Variants in FRMPD4 observed in about 807,000 individuals in gnomAD.
FRMPD4 encodes FERM and PDZ domain-containing protein 4.
FRMPD4 carries 22 observed loss-of-function variants against 94.1 expected under a neutral mutation model. The ratio of observed to expected loss-of-function variants is 0.23; its 90% confidence interval spans 0.17 to 0.33. FRMPD4 has a LOEUF of 0.33. FRMPD4 is among the 10% of genes least tolerant of loss of function. FRMPD4 has a pLI of 1.00. For missense variants in FRMPD4, 1,111 were observed against 1,339.9 expected, an observed-to-expected ratio of 0.83 and a Z score of 2.67; for synonymous variants, 631 against 548.6, an observed-to-expected ratio of 1.15 and a Z score of -2.10.
chrX:12,339,141 A>G (rs1043042838), intron 1 of FRMPD4, among the ~76,000 whole-genome samples: 14 of 111,790 alleles, frequency 1.3e-4, no homozygotes, highest in Admixed American at 1.2e-3. Context: ...GTTTAGTCTT[A>G]TTTTAGAGAG....
At chrX:12,201,999 T>C (rs1049072645) in intron 1 of FRMPD4, among the ~76,000 whole-genome samples, 3 of 110,757 alleles carry the variant, frequency 2.7e-5, no homozygotes, top group African/African-American at 9.8e-5. Flanking sequence ...TTCTTCTTTT[T>C]TTTTTTTAAC....
chrX:11,972,242 TAGCTC>T (rs900530048), intron 3 of FRMPD4, among the ~76,000 whole-genome samples: 2 of 111,973 alleles, frequency 1.8e-5, no homozygotes, highest in Admixed American at 1.9e-4. Context: ...AAAGGACACT[TAGCTC>T]AGAAAGGACA....
At chrX:12,060,500 C>T (rs1336714815) in intron 3 of FRMPD4, among the ~76,000 whole-genome samples, 1 of 108,990 alleles carries the variant, frequency 9.2e-6, no homozygotes, top group Non-Finnish European at 1.9e-5. Context: ...GTGAAAGAAG[C>T]CCCAACTATA....
At chrX:11,921,643 A>G (rs1248901984) in intron 3 of FRMPD4, among the ~76,000 whole-genome samples, 1 of 112,036 alleles carries the variant, frequency 8.9e-6, no homozygotes, top group Non-Finnish European at 1.9e-5. Flanking sequence ...ATTTTTCCCT[A>G]TGCCATAAGA....
chrX:12,266,659 A>C (rs150805993), intron 1 of FRMPD4, among the ~76,000 whole-genome samples: 92 of 112,055 alleles, frequency 8.2e-4, no homozygotes, highest in African/African-American at 2.7e-3. Flanking sequence ...GGAATCTACC[A>C]TACCAGTTAA....
rs765113386 is a variant in FRMPD4 at position 12,096,791 on chromosome X, G to A, written c.95+218773G>A. On this transcript the variant is annotated intron_variant, in intron 3 of 18. Coordinates refer to the FRMPD4 transcript ENST00000640291. ...AGTCCTAGCTGCTCAGGAGGCTGAGGCAGGAGTATTGCTCGAGCCCAGGAA... is the reference window on the plus strand; with the variant it reads ...AGTCCTAGCTGCTCAGGAGGCTGAGACAGGAGTATTGCTCGAGCCCAGGAA... Among the ~76,000 whole-genome samples, 6 of 111,402 alleles carry A rather than the reference G, an allele frequency of 5.4e-5. No individual in the cohort carries two copies. In the East Asian group the frequency reaches 1.1e-3, roughly 21 times the overall value.
chrX:12,398,301 C>T (rs1186314803), intron 1 of FRMPD4, among the ~76,000 whole-genome samples: 4 of 111,820 alleles, frequency 3.6e-5, no homozygotes, highest in Admixed American at 9.5e-5. Context: ...ACATAGTTCT[C>T]GAAATACTGG....
rs35114337 is a variant in FRMPD4 at position 12,168,622 on chromosome X, C to CTTTT, written c.41+29628_41+29631dup. Among the ~76,000 whole-genome samples, 19 of 70,154 alleles carry CTTTT rather than the reference C, an allele frequency of 2.7e-4. 1 individual carries two copies. Among genetic ancestry groups the CTTTT allele is most frequent in the Non-Finnish European group, 2.9e-4 (11 of 38,185 alleles). 60.9% of individuals were successfully genotyped at this position (70,154 alleles called of 115,157 possible). On this transcript the variant is annotated intron_variant, in intron 1 of 16. Coordinates refer to ENST00000675598, the MANE Select transcript of FRMPD4 (RefSeq NM_001368397.1). ...TTAGAGGGTCTTAAAGACACTGACC[C>CTTTT]TTTTTTTTTTTTTTTTTTTTTGAGA...
At chrX:12,312,239 CTTTTTTTTTTTTT>C (rs200625685) in intron 1 of FRMPD4, among the ~76,000 whole-genome samples, 2 of 61,513 alleles carry the variant, frequency 3.3e-5, no homozygotes, top group Admixed American at 1.8e-4. Context: ...TGCTCCATTA[CTTTTTTTTTTTTT>C]TTTTTTTTTT....
At chrX:11,955,395 G>A (rs6639108) in intron 3 of FRMPD4, among the ~76,000 whole-genome samples, 4,746 of 110,561 alleles carry the variant, frequency 0.043, 186 homozygotes, top group East Asian at 0.22. Context: ...GGGAGGCTGA[G>A]ATGGGAGGAT....
At chrX:12,267,127 A>G (rs1431916225) in intron 1 of FRMPD4, among the ~76,000 whole-genome samples, 1 of 112,073 alleles carries the variant, frequency 8.9e-6, no homozygotes, top group African/African-American at 3.2e-5. Context: ...CTGAATGTAT[A>G]TCACTCTTGC....
At chrX:12,493,172 A>C (rs2057809193) in intron 1 of FRMPD4, among the ~76,000 whole-genome samples, 2 of 110,774 alleles carry the variant, frequency 1.8e-5, no homozygotes, top group African/African-American at 6.6e-5. Context: ...CCTTACCTTA[A>C]CCCACATTGC....
chrX:12,125,010 C>T (rs754132777), intron 3 of FRMPD4, among the ~76,000 whole-genome samples: 3 of 112,186 alleles, frequency 2.7e-5, no homozygotes, highest in East Asian at 5.6e-4. Context: ...TCCTCGTTTC[C>T]GTTGAGATAC....
intron 2 of FRMPD4, among the ~76,000 whole-genome samples, chrX:12,609,058 C>A (rs927459382): frequency 8.9e-6 from 1 of 112,315 alleles, no homozygotes; most frequent in Non-Finnish European, 1.9e-5. Context: ...TACTCATATA[C>A]TGTATTCTTA....
chrX:12,721,152 T>C lies in FRMPD4; in HGVS notation c.4583T>C (p.Val1528Ala). The C allele has an allele frequency of 1.3e-6, 1 of 754,772 alleles. No individual in the cohort carries two copies. Among genetic ancestry groups the C allele is most frequent in the Non-Finnish European group, 1.6e-6 (1 of 638,448 alleles). The allele number at this position is 754,772 out of a possible 1,213,427, so 62.2% of individuals were successfully genotyped here. ...GAGAGGGGAGAGGCCACCGTCCAGG[T>C]CTCTTGCCTCTATAGACCACAGATG... ...EEERGEATVQ[V>A]SCLYRPQMTQ... The change falls in exon 17 of 17, where the codon GTC becomes GCC. Residue 1528 changes from valine (V) to alanine (A), a missense_variant. Val to Ala is a moderately conservative substitution (Grantham distance 64, BLOSUM62 0). This residue lies in a region of FRMPD4 where 551 missense variants were observed against 591.6 expected (regional missense o/e 0.93). Transcript: ENST00000675598.
Position 12,605,736 on chromosome X carries a change from G to C in FRMPD4, c.159-3985G>C, listed in dbSNP as rs745670177. On this transcript the variant is annotated intron_variant, in intron 2 of 16. Transcript: ENST00000675598. ...AGGACCTTTGTGCTTCATGGTCCCT[G>C]TGTTGGAAGTGCTCCCCCCGAAACG... Among the ~76,000 whole-genome samples the C allele has an allele frequency of 3.5e-3, 389 of 110,610 alleles. 1 individual carries two copies. The highest frequency in any genetic ancestry group is 6.3e-3 in the Non-Finnish European group (334 of 52,855).
chrX:12,550,824 TCTTTTA>T (rs2058528213), intron 2 of FRMPD4, among the ~76,000 whole-genome samples: 2 of 54,069 alleles, frequency 3.7e-5, no homozygotes, highest in African/African-American at 2.5e-4. Flanking sequence ...ACTTACTTTC[TCTTTTA>T]GAGTGTATAT....
At chrX:12,614,548 T>C (rs978345368) in intron 3 of FRMPD4, among the ~76,000 whole-genome samples, 4 of 111,723 alleles carry the variant, frequency 3.6e-5, no homozygotes, top group African/African-American at 1.3e-4. Context: ...TCGACCTTGC[T>C]TGCAAAGTTT....
rs769541506 is a variant in FRMPD4, at chrX:12,070,769, A to G, written c.95+192751A>G. Among the ~76,000 whole-genome samples the G allele has an allele frequency of 1.2e-4, 14 of 112,290 alleles. No homozygotes were observed. The South Asian group carries it at 4.9e-3, about 39-fold the overall frequency. ...AGATGGCCCTTTGGGACAAAAGTCT[A>G]TATGTATTATGGAACTGATATTGTC... On this transcript the variant is annotated intron_variant, in intron 3 of 18. Coordinates refer to the FRMPD4 transcript ENST00000640291.
Sources: gnomAD v4.1 joint callset for allele counts (sites outside exome capture counted in the v4.1 genomes callset) on GRCh38, gnomAD v4.1.1 for gene constraint, gnomAD v4.1.1 regional missense constraint, MANE v1.5 for transcripts, NCBI Gene and HGNC (gene_info 2026-07-23, HGNC 2026-07-21) for gene names.